The following UBE2L3 variants were observed in gnomAD, a reference collection of about 807,000 sequenced individuals.
UBE2L3 encodes ubiquitin-conjugating enzyme E2 L3.
A neutral mutation model predicts 17.8 loss-of-function variants in UBE2L3; 1 was observed. The observed-to-expected ratio is 0.06, with a 90% CI of 0.02 to 0.27. The LOEUF is 0.27. UBE2L3 is among the 10% of genes least tolerant of loss of function. UBE2L3 has a pLI of 1.00. For missense variants in UBE2L3, 40 were observed against 192.6 expected, an observed-to-expected ratio of 0.21 and a Z score of 4.69; for synonymous variants, 44 against 68.5, an observed-to-expected ratio of 0.64 and a Z score of 1.76.
In UBE2L3 at chr22:21,611,055, G is replaced by A. The variant is rs756268117; in HGVS notation, c.310+12G>A. The A allele has an allele frequency of 1.3e-6, 2 of 1,584,798 alleles. No homozygotes were observed. The highest frequency in any genetic ancestry group is 1.7e-6 in the Non-Finnish European group (2 of 1,166,744). ...CAAAACCGACCAAGGTAAGACATGTGCCTGTGTCTTCCTCGGAGGGGGTCT... is the reference window on the plus strand; with the variant it reads ...CAAAACCGACCAAGGTAAGACATGTACCTGTGTCTTCCTCGGAGGGGGTCT... On this transcript the variant is annotated intron_variant, in intron 3 of 3. Coordinates refer to ENST00000342192, the MANE Select transcript of UBE2L3 (RefSeq NM_003347.4).
intron 1 of UBE2L3, among the ~76,000 whole-genome samples, chr22:21,559,193 C>A (rs775259315): frequency 2.6e-5 from 4 of 152,164 alleles, no homozygotes; most frequent in Non-Finnish European, 4.4e-5. Flanking sequence ...CTAAAAAACA[C>A]AAAAATTAGC....
chr22:21,576,827 G>T (rs1197393314), intron 1 of UBE2L3, among the ~76,000 whole-genome samples: 1 of 119,086 alleles, frequency 8.4e-6, no homozygotes, highest in Non-Finnish European at 1.6e-5. Flanking sequence ...TTTTTGAGAC[G>T]CAGTCTCGCT....
chr22:21,575,102 C>CA (rs1251934141), intron 1 of UBE2L3, among the ~76,000 whole-genome samples: 1 of 149,506 alleles, frequency 6.7e-6, no homozygotes. Context: ...ACTAGAATCA[C>CA]AAAAAAATTA....
rs556560417 is a variant in UBE2L3 at position 21,601,458 on chromosome 22, G to A, written c.123+8502G>A. Among the ~76,000 whole-genome samples the A allele has an allele frequency of 1.5e-4, 22 of 151,672 alleles. No individual in the cohort carries two copies. In the South Asian group the frequency reaches 4.0e-3, roughly 27 times the overall value. Reference sequence around the variant, plus strand: ...CTCCTAAGTAGCTGGGATTACAGGCGTGTACCACTACGCCTGGCTAATTTT... The same window carrying A: ...CTCCTAAGTAGCTGGGATTACAGGCATGTACCACTACGCCTGGCTAATTTT... On this transcript the variant is annotated intron_variant, in intron 2 of 3. Coordinates refer to ENST00000342192, the MANE Select transcript of UBE2L3 (RefSeq NM_003347.4).
chr22:21,565,267 T>C (rs1280427341), upstream of UBE2L3, among the ~76,000 whole-genome samples: 1 of 151,710 alleles, frequency 6.6e-6, no homozygotes, highest in Non-Finnish European at 1.5e-5. Flanking sequence ...TAATTTTTTG[T>C]ATTTTTAGTA....
chr22:21,568,008 G>C (rs539612626), intron 1 of UBE2L3: 1 of 1,338,836 alleles, frequency 7.5e-7, no homozygotes, highest in East Asian at 3.1e-5. Context: ...CCCGGCCCGG[G>C]GCGTTCACGC....
In UBE2L3 at chr22:21,623,204, T is replaced by C. The variant is rs1394333456; in HGVS notation, c.*1535T>C. On this transcript the variant is annotated 3_prime_UTR_variant, in exon 4 of 4. Transcript: ENST00000342192. ...GAGATCTTTCCGGGGCCTACAGGCG[T>C]GTAAGACAGCTTGGTCTGGTCTGTG... The C allele has an allele frequency of 6.6e-6, 1 of 152,382 alleles. No individual in the cohort carries two copies. Among genetic ancestry groups the C allele is most frequent in the Non-Finnish European group, 1.5e-5 (1 of 68,048 alleles). 9.4% of individuals were successfully genotyped at this position (152,382 alleles called of 1,614,324 possible). A position where few individuals can be genotyped will look rare whatever the true frequency, so the allele number is the denominator to read the frequency against.
chr22:21,617,144 TAA>T (rs552706292), intron 3 of UBE2L3, among the ~76,000 whole-genome samples: 189 of 110,620 alleles, frequency 1.7e-3, no homozygotes, highest in African/African-American at 5.2e-3. Context: ...AACTCTGTCT[TAA>T]AAAAAAAAAA....
At position 21,568,767 on chromosome 22, in the gene UBE2L3, T is replaced by TGAGGGGAGATAAAGAGCTGGGGTTC. The variant is rs1200130519; in HGVS notation, c.27+998_27+1022dup. On this transcript the variant is annotated intron_variant, in intron 1 of 3. Coordinates refer to ENST00000342192, the MANE Select transcript of UBE2L3 (RefSeq NM_003347.4). Reference sequence around the variant, plus strand: ...AAAAAAGGCCCAGGAGCCAGTTTCCTGAGGGGAGATAAAGAGCTGGGGTTC... The same window carrying TGAGGGGAGATAAAGAGCTGGGGTTC: ...AAAAAAGGCCCAGGAGCCAGTTTCCTGAGGGGAGATAAAGAGCTGGGGTTCGAGGGGAGATAAAGAGCTGGGGTTC... 7.2e-5 allele frequency among the ~76,000 whole-genome samples: 11 copies of TGAGGGGAGATAAAGAGCTGGGGTTC among 152,224 alleles called. No individual in the cohort carries two copies. In the South Asian group the frequency reaches 1.7e-3, roughly 23 times the overall value.
chr22:21,608,044 A>G (rs1929268756), intron 2 of UBE2L3, among the ~76,000 whole-genome samples: 1 of 152,214 alleles, frequency 6.6e-6, no homozygotes. Context: ...AGGACTGTCT[A>G]AAGGACAAAG....
intron 1 of UBE2L3, among the ~76,000 whole-genome samples, chr22:21,572,209 C>T (rs1277747755): frequency 6.6e-6 from 1 of 151,768 alleles, no homozygotes; most frequent in Admixed American, 6.6e-5. Flanking sequence ...CCGAGGTGGG[C>T]GGATCATGAG....
At chr22:21,569,534 A>T (rs1926844822) in intron 1 of UBE2L3, among the ~76,000 whole-genome samples, 1 of 152,064 alleles carries the variant, frequency 6.6e-6, no homozygotes, top group Non-Finnish European at 1.5e-5. Context: ...GACGGACACC[A>T]GAGTTCTTTT....
intron 1 of UBE2L3, among the ~76,000 whole-genome samples, chr22:21,558,805 T>G (rs2148390405): frequency 6.6e-6 from 1 of 152,334 alleles, no homozygotes; most frequent in East Asian, 1.9e-4. Context: ...TTTTTTATTT[T>G]TGTTTCTATG....
chr22:21,597,405 C>CA (rs536483002), intron 2 of UBE2L3, among the ~76,000 whole-genome samples: 1 of 152,106 alleles, frequency 6.6e-6, no homozygotes, highest in Non-Finnish European at 1.5e-5. Context: ...CTCCTGGGCT[C>CA]AAGCAGTCTT....
chr22:21,557,491 G>C (rs1926276571), intron 1 of UBE2L3, among the ~76,000 whole-genome samples: 2 of 152,126 alleles, frequency 1.3e-5, no homozygotes, highest in Admixed American at 1.3e-4. Context: ...GATGGGGAGA[G>C]ACAGTGCCCA....
At chr22:21,573,755 C>G (rs1292603360) in intron 1 of UBE2L3, among the ~76,000 whole-genome samples, 4 of 152,182 alleles carry the variant, frequency 2.6e-5, no homozygotes, top group Non-Finnish European at 5.9e-5. Context: ...TGCCTACTCC[C>G]CAGTGCTGCT....
At chr22:21,573,942 CCT>C (rs1927121169) in intron 1 of UBE2L3, among the ~76,000 whole-genome samples, 1 of 152,194 alleles carries the variant, frequency 6.6e-6, no homozygotes, top group Non-Finnish European at 1.5e-5. Flanking sequence ...GGGTGAGCTA[CCT>C]CTCTATAGAG....
rs370598820 is a variant in UBE2L3 at position 21,579,770 on chromosome 22, CAG to C, written c.27+12000_27+12001del. ...TCGGCAACAAAGCAAGACCCTGTCTCAGGGGGAAAAAAAAAAGTCATGATTTT... is the reference window on the plus strand; with the variant it reads ...TCGGCAACAAAGCAAGACCCTGTCTCGGGGAAAAAAAAAAGTCATGATTTT... On this transcript the variant is annotated intron_variant, in intron 1 of 3. Coordinates refer to ENST00000342192, the MANE Select transcript of UBE2L3 (RefSeq NM_003347.4). Among the ~76,000 whole-genome samples the C allele has an allele frequency of 1.8e-3, 273 of 151,586 alleles. 6 individuals carry two copies. In the East Asian group the frequency reaches 0.026, roughly 15 times the overall value.
At chr22:21,613,387 T>C (rs1283005383) in intron 3 of UBE2L3, among the ~76,000 whole-genome samples, 2 of 152,176 alleles carry the variant, frequency 1.3e-5, no homozygotes. Flanking sequence ...TAAAAAGTAC[T>C]GTTGACTTGG....
Sources: allele counts gnomAD v4.1 joint callset (sites outside exome capture counted in the v4.1 genomes callset), GRCh38; gene constraint gnomAD v4.1.1; transcripts MANE v1.5; gene names NCBI Gene and HGNC (gene_info 2026-07-23, HGNC 2026-07-21).